Variants in ARFGEF3 observed in about 807,000 individuals in gnomAD.
ARFGEF3 encodes the protein ARFGEF family member 3.
ARFGEF3 carries 96 observed loss-of-function variants against 221.7 expected under a neutral mutation model. That is an observed-to-expected ratio of 0.43 (90% confidence interval 0.37 to 0.51). ARFGEF3 has a LOEUF of 0.51. ARFGEF3 is among the 20% of genes least tolerant of loss of function. The pLI, the probability that ARFGEF3 is intolerant of heterozygous loss-of-function variation, is 0.00. For synonymous variants in ARFGEF3, 1,145 were observed against 1,126.8 expected (o/e 1.02, Z -0.32); for missense variants, 2,410 against 2,789.9 (o/e 0.86, Z 3.07).
chr6:138,269,175 C>A (rs138541619), intron 12 of ARFGEF3, among the ~76,000 whole-genome samples: 3 of 152,238 alleles, frequency 2.0e-5, no homozygotes, highest in Admixed American at 6.5e-5. Context: ...TACTACCAGG[C>A]GGTGGGCAGC....
intron 4 of ARFGEF3, among the ~76,000 whole-genome samples, chr6:138,225,297 C>A (rs931817582): frequency 3.9e-5 from 6 of 152,218 alleles, no homozygotes; most frequent in African/African-American, 1.2e-4. Flanking sequence ...AAAGTTCCAA[C>A]TGATCTTTCC....
chr6:138,195,457 A>G (rs189978656), intron 2 of ARFGEF3, among the ~76,000 whole-genome samples: 3 of 152,276 alleles, frequency 2.0e-5, no homozygotes, highest in Admixed American at 2.0e-4. Context: ...TCCTCTGCCT[A>G]TGCTGTATGT....
chr6:138,256,173 T>A lies in ARFGEF3; in HGVS notation c.1104+404T>A, dbSNP rs368470760. On this transcript the variant is annotated intron_variant, in intron 10 of 33. Transcript: ENST00000251691. ...TGCACATTATCCAACAAAAGAGCTC[T>A]GCCAGTCTCTGATTGCTAAGAGGAA... Among the ~76,000 whole-genome samples, 144 of 152,324 alleles carry A rather than the reference T, an allele frequency of 9.5e-4. 3 individuals carry two copies. In the South Asian group the frequency reaches 0.029, roughly 30 times the overall value.
intron 27 of ARFGEF3, among the ~76,000 whole-genome samples, chr6:138,318,954 T>C (rs1202452809): frequency 6.6e-6 from 1 of 152,164 alleles, no homozygotes; most frequent in Non-Finnish European, 1.5e-5. Flanking sequence ...TGACAAAGAA[T>C]AATCTCACAC....
At chr6:138,209,055 G>T (rs1777672465) in intron 3 of ARFGEF3, among the ~76,000 whole-genome samples, 1 of 152,128 alleles carries the variant, frequency 6.6e-6, no homozygotes, top group African/African-American at 2.4e-5. Flanking sequence ...ATCCTGTGAG[G>T]TAGACTCCTG....
At chr6:138,224,911 T>G (rs1448408403) in intron 4 of ARFGEF3, among the ~76,000 whole-genome samples, 1 of 152,232 alleles carries the variant, frequency 6.6e-6, no homozygotes, top group Non-Finnish European at 1.5e-5. Flanking sequence ...CAAAGCATGT[T>G]ACTTCATTAA....
intron 8 of ARFGEF3, among the ~76,000 whole-genome samples, chr6:138,248,717 TA>T (rs1307389542): frequency 6.6e-6 from 1 of 152,054 alleles, no homozygotes; most frequent in African/African-American, 2.4e-5. Flanking sequence ...TCCCAGCTAC[TA>T]GGGGGGCTGA....
intron 25 of ARFGEF3, 118 bp downstream of exon 25, chr6:138,311,628 G>T: frequency 1.5e-6 from 1 of 668,472 alleles, no homozygotes; most frequent in Non-Finnish European, 2.6e-6. Context: ...CGTCTGAGGA[G>T]ATTGGGGCGC....
intron 24 of ARFGEF3, among the ~76,000 whole-genome samples, chr6:138,309,751 C>T (rs1397127487): frequency 1.3e-5 from 2 of 152,176 alleles, no homozygotes; most frequent in African/African-American, 4.8e-5. Flanking sequence ...GCCAGAGGCT[C>T]GAGAACCTGT....
intron 12 of ARFGEF3, among the ~76,000 whole-genome samples, chr6:138,273,012 G>A (rs553981103): frequency 4.6e-5 from 7 of 152,324 alleles, no homozygotes; most frequent in African/African-American, 1.7e-4. Context: ...TAACTATGCA[G>A]TGGTATATGC....
rs529175594 is a variant in ARFGEF3 at position 138,176,016 on chromosome 6, G to T, written c.137+5303G>T. ...TATAATGACCTTCTTTGTCTTTATTGTTTTTGATTTAAAGTCTGTTTTATC... is the reference window on the plus strand; with the variant it reads ...TATAATGACCTTCTTTGTCTTTATTTTTTTTGATTTAAAGTCTGTTTTATC... On this transcript the variant is annotated intron_variant, in intron 2 of 33. Transcript: ENST00000251691. 2.0e-5 allele frequency among the ~76,000 whole-genome samples: 3 copies of T among 151,926 alleles called. No individual in the cohort carries two copies. The South Asian group carries it at 6.3e-4, about 32-fold the overall frequency.
chr6:138,177,832 C>T (rs563849188), intron 2 of ARFGEF3, among the ~76,000 whole-genome samples: 60 of 152,034 alleles, frequency 3.9e-4, no homozygotes, highest in African/African-American at 1.4e-3. Flanking sequence ...ATGTCTATCT[C>T]CTTGGTAAAT....
At chr6:138,323,138 G>GATTGGC (rs910315187) in intron 29 of ARFGEF3, among the ~76,000 whole-genome samples, 4 of 152,108 alleles carry the variant, frequency 2.6e-5, no homozygotes, top group African/African-American at 9.7e-5. Flanking sequence ...TACGTTTAAT[G>GATTGGC]ATTGGCCTAT....
intron 19 of ARFGEF3, 135 bp downstream of exon 19, chr6:138,292,188 A>C (rs970706635): frequency 2.0e-4 from 156 of 796,088 alleles, no homozygotes; most frequent in East Asian, 1.2e-3. Flanking sequence ...TTTCAAGCTT[A>C]GTTCTCTCTA....
intron 5 of ARFGEF3, among the ~76,000 whole-genome samples, chr6:138,230,754 TTACAA>T (rs1207268648): frequency 3.9e-5 from 6 of 152,234 alleles, no homozygotes; most frequent in Non-Finnish European, 5.9e-5. Flanking sequence ...TGACCTCTCA[TTACAA>T]TACAAGTCAC....
chr6:138,314,635 T>C (rs758271561), intron 26 of ARFGEF3, among the ~76,000 whole-genome samples: 19 of 152,076 alleles, frequency 1.2e-4, no homozygotes, highest in Non-Finnish European at 1.8e-4. Context: ...GCTTCCAAAA[T>C]ACAATGGTAG....
intron 17 of ARFGEF3, 147 bp from the exon 18 acceptor site, chr6:138,289,671 G>A: frequency 2.5e-6 from 2 of 785,336 alleles, no homozygotes; most frequent in Admixed American, 2.6e-5. Flanking sequence ...TTGCATGATG[G>A]TCCGCAAGGA....
At chr6:138,322,827 T>A (rs1583067068) in intron 29 of ARFGEF3, among the ~76,000 whole-genome samples, 3 of 148,960 alleles carry the variant, frequency 2.0e-5, no homozygotes, top group Admixed American at 2.0e-4. Context: ...AGGGATTCTG[T>A]CATTTACAAC....
At chr6:138,196,978 C>T (rs1777439240) in intron 2 of ARFGEF3, among the ~76,000 whole-genome samples, 1 of 152,014 alleles carries the variant, frequency 6.6e-6, no homozygotes, top group African/African-American at 2.4e-5. Context: ...GGATTACTGG[C>T]AGGCACCACC....
Sources: allele counts gnomAD v4.1 joint callset (sites outside exome capture counted in the v4.1 genomes callset), GRCh38; gene constraint gnomAD v4.1.1; transcripts MANE v1.5; gene names NCBI Gene and HGNC (gene_info 2026-07-23, HGNC 2026-07-21).